The following XXYLT1 variants were observed in gnomAD, a reference collection of about 807,000 sequenced individuals.
XXYLT1 encodes UDP-xylose:alpha-xyloside alpha-1,3-xylosyltransferase.
A neutral mutation model predicts 28.9 loss-of-function variants in XXYLT1; 20 were observed. The ratio of observed to expected loss-of-function variants is 0.69; its 90% CI spans 0.49 to 1.00. The LOEUF (loss-of-function observed/expected upper bound fraction) is 1.00, where lower values mean the gene tolerates loss of function less well. Ranked by LOEUF, XXYLT1 falls within the 50% of genes least tolerant of loss-of-function variation. The pLI is 0.00. For synonymous variants in XXYLT1, 257 were observed against 253.8 expected (o/e 1.01, Z -0.12); for missense variants, 542 against 560.1 (o/e 0.97, Z 0.33).
chr3:195,265,712 T>C lies in XXYLT1; in HGVS notation c.504+4843A>G, dbSNP rs1273492772. 1.2e-4 allele frequency among the ~76,000 whole-genome samples: 18 copies of C among 152,304 alleles called. No individual in the cohort carries two copies. In the South Asian group the frequency reaches 3.7e-3, roughly 32 times the overall value. ...CCCGAAACAATACACACAGCAGCAC[T>C]GGGCTAAACTGGAGTAAATGCGACC... is the stretch of plus-strand genomic sequence containing the variant. On this transcript the variant is annotated intron_variant, in intron 1 of 3. Coordinates refer to ENST00000310380, the MANE Select transcript of XXYLT1 (RefSeq NM_152531.5).
intron 1 of XXYLT1, among the ~76,000 whole-genome samples, chr3:195,234,771 C>T (rs560646544): frequency 1.3e-5 from 2 of 152,234 alleles, no homozygotes; most frequent in East Asian, 1.9e-4. Context: ...GTTTATCTTG[C>T]TACTTTTAGG....
In XXYLT1 at chr3:195,252,908, G is replaced by A. The variant is rs560097012; in HGVS notation, c.504+17647C>T. Among the ~76,000 whole-genome samples the A allele has an allele frequency of 1.7e-4, 26 of 152,234 alleles. No homozygotes were observed. The East Asian group carries it at 4.6e-3, about 27-fold the overall frequency. ...AGGCGGGGAGGCGTTTATGGCATACGCCACCGCAGGTGGGTCCCCTATTCA... is the reference window on the plus strand; with the variant it reads ...AGGCGGGGAGGCGTTTATGGCATACACCACCGCAGGTGGGTCCCCTATTCA... On this transcript the variant is annotated intron_variant, in intron 1 of 3. Transcript: ENST00000310380.
intron 2 of XXYLT1, chr3:195,175,579 C>T: frequency 6.5e-7 from 1 of 1,535,572 alleles, no homozygotes; most frequent in Non-Finnish European, 8.7e-7. Flanking sequence ...CTGGGTGTTT[C>T]AGAAGCAGGT....
At chr3:195,245,289 T>A (rs949166444) in intron 1 of XXYLT1, among the ~76,000 whole-genome samples, 1 of 150,674 alleles carries the variant, frequency 6.6e-6, no homozygotes, top group Non-Finnish European at 1.5e-5. Flanking sequence ...GCCTCCTGAG[T>A]AGCTGGGATT....
At chr3:195,070,172 G>C in intron 3 of XXYLT1, 61 bp from the exon 4 acceptor site, 1 of 1,496,798 alleles carries the variant, frequency 6.7e-7, no homozygotes, top group Non-Finnish European at 8.8e-7. Flanking sequence ...CCGGCCTGCT[G>C]CCCTGGGTCT....
chr3:195,238,031 C>A (rs189235167), intron 1 of XXYLT1, among the ~76,000 whole-genome samples: 1 of 152,160 alleles, frequency 6.6e-6, no homozygotes, highest in Non-Finnish European at 1.5e-5. Flanking sequence ...TAGAGAAATT[C>A]GTTTTTCTCT....
intron 1 of XXYLT1, among the ~76,000 whole-genome samples, chr3:195,235,738 G>T (rs1724507785): frequency 6.6e-6 from 1 of 152,130 alleles, no homozygotes; most frequent in South Asian, 2.1e-4. Flanking sequence ...TCTGCATTAG[G>T]GGGCATACCA....
chr3:195,199,957 G>C (rs1722781531), intron 2 of XXYLT1, among the ~76,000 whole-genome samples: 1 of 152,234 alleles, frequency 6.6e-6, no homozygotes, highest in Admixed American at 6.5e-5. Context: ...GTTGGGACCT[G>C]CTGGTTAGTC....
chr3:195,105,484 G>A (rs1399387072), intron 3 of XXYLT1, among the ~76,000 whole-genome samples: 1 of 152,210 alleles, frequency 6.6e-6, no homozygotes, highest in South Asian at 2.1e-4. Context: ...AAGGCAAAGG[G>A]CCACGTGAAG....
intron 1 of XXYLT1, chr3:195,248,022 G>A (rs1046653020): frequency 9.5e-6 from 5 of 529,078 alleles, no homozygotes; most frequent in East Asian, 3.3e-5. Context: ...GATTTGGGTG[G>A]AGACACAGCC....
chr3:195,154,792 C>T (rs193031638), intron 3 of XXYLT1, among the ~76,000 whole-genome samples: 39 of 152,358 alleles, frequency 2.6e-4, no homozygotes, highest in African/African-American at 7.9e-4. Flanking sequence ...AATAAACTTT[C>T]TCTCCTGCTC....
intron 3 of XXYLT1, among the ~76,000 whole-genome samples, chr3:195,149,993 T>C (rs975038286): frequency 4.6e-5 from 7 of 152,066 alleles, no homozygotes; most frequent in Non-Finnish European, 8.8e-5. Context: ...AGGAAAGGGG[T>C]TAAGATGCTG....
At chr3:195,177,091 G>A (rs1241535829) in intron 2 of XXYLT1, among the ~76,000 whole-genome samples, 1 of 152,248 alleles carries the variant, frequency 6.6e-6, no homozygotes. Flanking sequence ...CCCTCCCTCA[G>A]GCTTCTACAG....
intron 3 of XXYLT1, among the ~76,000 whole-genome samples, chr3:195,099,720 A>T (rs1009745985): frequency 6.6e-6 from 1 of 151,230 alleles, no homozygotes; most frequent in African/African-American, 2.4e-5. Flanking sequence ...AGTCCCAGCT[A>T]CTGGGGAGGC....
chr3:195,127,318 G>C (rs1437481165), intron 3 of XXYLT1, among the ~76,000 whole-genome samples: 2 of 152,132 alleles, frequency 1.3e-5, no homozygotes, highest in Non-Finnish European at 2.9e-5. Flanking sequence ...GTTACTCCTG[G>C]GTGTCTTTGT....
chr3:195,110,826 G>A (rs1465701158), intron 3 of XXYLT1, among the ~76,000 whole-genome samples: 1 of 97,574 alleles, frequency 1.0e-5, no homozygotes, highest in African/African-American at 3.8e-5. Flanking sequence ...TGGTGTATAA[G>A]TGTGTGTGTG....
At chr3:195,085,745 C>T (rs970248635) in intron 3 of XXYLT1, among the ~76,000 whole-genome samples, 3 of 152,214 alleles carry the variant, frequency 2.0e-5, no homozygotes, top group South Asian at 2.1e-4. Context: ...ACCGTCAGGT[C>T]GCCACTAGCC....
chr3:195,207,189 G>A (rs1158595882), intron 2 of XXYLT1, among the ~76,000 whole-genome samples: 2 of 152,194 alleles, frequency 1.3e-5, no homozygotes, highest in Non-Finnish European at 2.9e-5. Context: ...GGGGCATCGG[G>A]CCTGCAGGTC....
In XXYLT1 at chr3:195,069,944, A is replaced by T; in HGVS notation, c.953T>A (p.Leu318Gln). The T allele has an allele frequency of 5.6e-6, 9 of 1,612,918 alleles. No individual in the cohort carries two copies. Among genetic ancestry groups the T allele is most frequent in the Non-Finnish European group, 7.6e-6 (9 of 1,179,772 alleles). Residue 318 changes from leucine to glutamine, a missense_variant, in exon 4 of 4, where the codon CTG becomes CAG. Transcript: ENST00000310380. ...RLLEPAQVQQLADKYHFRGHL... is the reference protein window; with the variant it reads ...RLLEPAQVQQQADKYHFRGHL... The stretch of plus-strand genomic sequence containing the variant: ...GCCGCGGAAGTGGTACTTGTCGGCC[A>T]GCTGCTGCACCTGCGCCGGCTCCAG...
Sources: gnomAD v4.1 joint callset for allele counts (sites outside exome capture counted in the v4.1 genomes callset) on GRCh38, gnomAD v4.1.1 for gene constraint, MANE v1.5 for transcripts, NCBI Gene and HGNC (gene_info 2026-07-23, HGNC 2026-07-21) for gene names.